WDR37: variants seen among roughly 807,000 people sequenced by gnomAD.
The protein encoded by WDR37 is WD repeat-containing protein 37.
Under a neutral mutation model 62.9 loss-of-function variants are expected in WDR37, and 19 were observed. The observed-to-expected ratio is 0.30, with a 90% CI of 0.21 to 0.44. The LOEUF (loss-of-function observed/expected upper bound fraction) is 0.44, where lower values mean the gene tolerates loss of function less well. Ranked by LOEUF, WDR37 falls within the 20% of genes least tolerant of loss-of-function variation. WDR37 has a pLI of 1.00. For missense variants in WDR37, 474 were observed against 657.6 expected (o/e 0.72, Z 3.05); for synonymous variants, 250 against 260.9 (o/e 0.96, Z 0.40).
chr10:1,128,907 T>C (rs11250279), intron 13 of WDR37, among the ~76,000 whole-genome samples: 145,066 of 149,982 alleles, frequency 0.97, 70,343 homozygotes, highest in Middle Eastern at 1. Flanking sequence ...CCATGCTTGG[T>C]GGTCCATGCT....
chr10:1,074,405 G>A (rs895705324), intron 2 of WDR37: 17 of 1,302,638 alleles, frequency 1.3e-5, no homozygotes, highest in East Asian at 1.1e-4. Context: ...GCACGGCCTC[G>A]TCCTCTGCTC....
At chr10:1,127,391 T>A (rs1326896069) in intron 13 of WDR37, among the ~76,000 whole-genome samples, 2 of 152,258 alleles carry the variant, frequency 1.3e-5, no homozygotes, top group African/African-American at 4.8e-5. Context: ...TTAACTTTAT[T>A]TAGAACTTGT....
chr10:1,071,803 C>T (rs1833738272), intron 1 of WDR37, among the ~76,000 whole-genome samples: 1 of 152,094 alleles, frequency 6.6e-6, no homozygotes, highest in African/African-American at 2.4e-5. Flanking sequence ...AACATTGGTT[C>T]CCTCGGGGGA....
intron 1 of WDR37, among the ~76,000 whole-genome samples, chr10:1,062,547 C>T (rs1161630050): frequency 6.6e-6 from 1 of 152,190 alleles, no homozygotes; most frequent in African/African-American, 2.4e-5. Flanking sequence ...GAGGCCATAT[C>T]AGGACAGCTT....
chr10:1,058,613 T>G (rs1833275327), intron 1 of WDR37, among the ~76,000 whole-genome samples: 1 of 152,264 alleles, frequency 6.6e-6, no homozygotes. Flanking sequence ...ATTAATGGTA[T>G]TTCCTAATTG....
chr10:1,108,465 A>G (rs1232403290), intron 11 of WDR37, among the ~76,000 whole-genome samples: 1 of 152,156 alleles, frequency 6.6e-6, no homozygotes, highest in African/African-American at 2.4e-5. Context: ...TGCAGTTAAG[A>G]TGGCGTCTGC....
intron 11 of WDR37, among the ~76,000 whole-genome samples, chr10:1,120,186 G>C (rs1339050977): frequency 1.3e-5 from 2 of 152,242 alleles, no homozygotes; most frequent in African/African-American, 4.8e-5. Context: ...TGATGAGAAA[G>C]GCCGGGATGG....
Position 1,105,824 on chromosome 10 carries a change from C to T in WDR37, c.1103+557C>T, listed in dbSNP as rs998072998. 7.9e-5 allele frequency among the ~76,000 whole-genome samples: 12 copies of T among 152,024 alleles called. No homozygotes were observed. Among genetic ancestry groups the T allele is most frequent in the Admixed American group, 2.6e-4 (4 of 15,258 alleles). On this transcript the variant is annotated intron_variant, in intron 11 of 13. Transcript: ENST00000263150. The surrounding 1 kb of genome is among the most constrained non-coding windows in gnomAD (Gnocchi z 5.3). Reference sequence around the variant, plus strand: ...TTTCTGAGACGGAGTCTCGCTCTGTCGCCCAGGCTGGAGTGCAGTGGCGCT... The same window carrying T: ...TTTCTGAGACGGAGTCTCGCTCTGTTGCCCAGGCTGGAGTGCAGTGGCGCT...
chr10:1,129,092 C>T (rs935448582), intron 13 of WDR37, 121 bp from the exon 14 acceptor site: 1 of 1,405,116 alleles, frequency 7.1e-7, no homozygotes, highest in East Asian at 2.4e-5. Context: ...TGATCCTGCA[C>T]ACCATGTTGT....
intron 13 of WDR37, among the ~76,000 whole-genome samples, chr10:1,126,764 A>G (rs537985290): frequency 4.1e-4 from 62 of 152,316 alleles, no homozygotes; most frequent in Non-Finnish European, 7.8e-4. Flanking sequence ...CAGCGCAGCA[A>G]CACCTTTTCT....
chr10:1,082,556 G>A (rs111848304), intron 5 of WDR37, among the ~76,000 whole-genome samples: 2,034 of 152,332 alleles, frequency 0.013, 48 homozygotes, highest in African/African-American at 0.046. Flanking sequence ...GGGCGTGAGC[G>A]TCAGTTTGCG....
chr10:1,066,644 C>T (rs1331637168), intron 1 of WDR37, among the ~76,000 whole-genome samples: 3 of 152,100 alleles, frequency 2.0e-5, no homozygotes, highest in Non-Finnish European at 4.4e-5. Flanking sequence ...ATAGATAAAA[C>T]AAAATGGAGA....
chr10:1,066,254 T>G (rs957909700), intron 1 of WDR37, among the ~76,000 whole-genome samples: 3 of 152,178 alleles, frequency 2.0e-5, no homozygotes, highest in Non-Finnish European at 4.4e-5. Flanking sequence ...TATCTGGGAC[T>G]ACAGGTGCCT....
At chr10:1,110,914 C>T (rs1312723298) in intron 11 of WDR37, among the ~76,000 whole-genome samples, 3 of 152,264 alleles carry the variant, frequency 2.0e-5, no homozygotes, top group African/African-American at 2.4e-5. Context: ...ACTGCCTGCT[C>T]ATCCGGGAAG....
rs2131661911 is a variant in WDR37, at chr10:1,103,568, T to C, written c.727-34T>C. On this transcript the variant is annotated intron_variant, in intron 9 of 13. Transcript: ENST00000263150. This position sits in a 1 kb window ranked among gnomAD's most constrained non-coding sequence, Gnocchi z 6.3. Reference sequence around the variant, plus strand: ...GAAGAAACTCAAGATTTCCAGGAAATGTCTTTCTTTTCTGGCCTTCCCTTT... The same window carrying C: ...GAAGAAACTCAAGATTTCCAGGAAACGTCTTTCTTTTCTGGCCTTCCCTTT... The C allele has an allele frequency of 1.2e-6, 2 of 1,600,916 alleles. No individual in the cohort carries two copies. Among genetic ancestry groups the C allele is most frequent in the Non-Finnish European group, 1.7e-6 (2 of 1,169,522 alleles).
At chr10:1,084,605 A>C in intron 6 of WDR37, 67 bp downstream of exon 6, 1 of 1,578,868 alleles carries the variant, frequency 6.3e-7, no homozygotes, top group Non-Finnish European at 8.6e-7. Flanking sequence ...AGTGATGGAC[A>C]TTCACTTTTC....
Position 1,103,512 on chromosome 10 carries a change from A to G in WDR37, c.727-90A>G. On this transcript the variant is annotated intron_variant, in intron 9 of 13. Coordinates refer to ENST00000263150, the MANE Select transcript of WDR37 (RefSeq NM_014023.4). The surrounding 1 kb of genome is among the most constrained non-coding windows in gnomAD (Gnocchi z 6.3). ...ATGATGGATATGTCCTCAAGAGATT[A>G]ATGAGAACCATCTATTTTGTAGCTA... 7.4e-7 allele frequency: 1 copy of G among 1,354,846 alleles called. No individual in the cohort carries two copies. The allele number at this position is 1,354,846 out of a possible 1,614,324, so 83.9% of individuals were successfully genotyped here.
chr10:1,115,931 G>A (rs1326680341), intron 11 of WDR37, among the ~76,000 whole-genome samples: 1 of 152,154 alleles, frequency 6.6e-6, no homozygotes, highest in Non-Finnish European at 1.5e-5. Context: ...TCTCCTCTCA[G>A]TGTTACATCC....
intron 11 of WDR37, chr10:1,123,999 A>C: frequency 1.7e-6 from 1 of 578,992 alleles, no homozygotes; most frequent in Non-Finnish European, 3.0e-6. Flanking sequence ...AATAGAGTAG[A>C]ATGGACTGTG....
Sources: allele counts gnomAD v4.1 joint callset (sites outside exome capture counted in the v4.1 genomes callset), GRCh38; gene constraint gnomAD v4.1.1; non-coding constraint Gnocchi (gnomAD v3.1); transcripts MANE v1.5; gene names NCBI Gene and HGNC (gene_info 2026-07-23, HGNC 2026-07-21).